ATRNL1: variants seen among roughly 807,000 people sequenced by gnomAD.
The protein encoded by ATRNL1 is attractin-like protein 1.
A neutral mutation model predicts 182.7 loss-of-function variants in ATRNL1; 95 were observed. That is an observed-to-expected ratio of 0.52 (90% CI 0.44 to 0.62). ATRNL1 has a LOEUF of 0.62. Among genes scored for constraint, ATRNL1 ranks in the 20% least tolerant of loss-of-function variants. The probability of loss-of-function intolerance (pLI) is 0.00; values close to 1 mark genes in which losing one functional copy is unlikely to be tolerated. For missense variants in ATRNL1, 1,471 were observed against 1,679.5 expected (o/e 0.88, Z 2.17); for synonymous variants, 576 against 568.3 (o/e 1.01, Z -0.19).
At chr10:115,130,316 A>T (rs953688444) in intron 5 of ATRNL1, among the ~76,000 whole-genome samples, 10 of 152,084 alleles carry the variant, frequency 6.6e-5, no homozygotes, top group African/African-American at 2.4e-4. Flanking sequence ...GAAGTACTTG[A>T]TTATGTATTA....
intron 26 of ATRNL1, among the ~76,000 whole-genome samples, chr10:115,584,029 T>C (rs1373009539): frequency 6.6e-6 from 1 of 152,168 alleles, no homozygotes; most frequent in Admixed American, 6.5e-5. Flanking sequence ...TTGTCTTTGG[T>C]TCTGTTTATA....
chr10:115,798,198 G>T (rs538685540), intron 27 of ATRNL1, among the ~76,000 whole-genome samples: 4 of 152,190 alleles, frequency 2.6e-5, no homozygotes, highest in East Asian at 1.9e-4. Context: ...ATTACAGGCA[G>T]GAGCCACCGC....
At chr10:115,830,460 G>A (rs897809382) in intron 27 of ATRNL1, among the ~76,000 whole-genome samples, 10 of 152,068 alleles carry the variant, frequency 6.6e-5, no homozygotes, top group African/African-American at 2.4e-4. Flanking sequence ...TTGAATGACT[G>A]TCTTGTTACC....
intron 27 of ATRNL1, among the ~76,000 whole-genome samples, chr10:115,816,987 ATTGCTGGATAAT>A (rs1555088797): frequency 6.6e-6 from 1 of 152,072 alleles, no homozygotes; most frequent in Non-Finnish European, 1.5e-5. Context: ...TTCCTACTGC[ATTGCTGGATAAT>A]TTGCAAGAAA....
chr10:115,648,783 C>G (rs982812507), intron 26 of ATRNL1, among the ~76,000 whole-genome samples: 22 of 152,098 alleles, frequency 1.4e-4, no homozygotes, highest in African/African-American at 4.8e-4. Flanking sequence ...CATTATGTGG[C>G]CCTGAAATTT....
intron 25 of ATRNL1, among the ~76,000 whole-genome samples, chr10:115,523,637 G>A (rs1204772405): frequency 6.6e-6 from 1 of 152,102 alleles, no homozygotes; most frequent in Non-Finnish European, 1.5e-5. Flanking sequence ...TCTTTGACAG[G>A]GCATAACAAA....
intron 5 of ATRNL1, among the ~76,000 whole-genome samples, chr10:115,157,862 C>A (rs979436599): frequency 2.6e-5 from 4 of 152,142 alleles, no homozygotes; most frequent in Admixed American, 6.6e-5. Context: ...TGCTTTAATG[C>A]AGATTTGATA....
In ATRNL1 at chr10:115,266,845, C is replaced by T. The variant is rs752358215; in HGVS notation, c.1821C>T (p.Ile607=). 1 of 1,611,388 alleles carries T rather than the reference C, an allele frequency of 6.2e-7. No homozygotes were observed. The highest frequency in any genetic ancestry group is 8.5e-7 in the Non-Finnish European group (1 of 1,178,298). ...TTTCTAGTGTACTCCTTAATGATAT[C>T]CTTGTATACAAGCCTCCAAATTGCA... ...GGFSSVLLND[I]LVYKPPNCKA... is the part of the protein sequence containing the mutation. Residue 607 remains isoleucine (I), a synonymous_variant, in exon 12 of 29, where the codon ATC becomes ATT. Coordinates refer to ENST00000355044, the MANE Select transcript of ATRNL1 (RefSeq NM_207303.4).
chr10:115,603,633 T>C (rs1200854549), intron 26 of ATRNL1, among the ~76,000 whole-genome samples: 1 of 152,186 alleles, frequency 6.6e-6, no homozygotes, highest in African/African-American at 2.4e-5. Context: ...TGTCATACAT[T>C]TAACTTATAC....
intron 5 of ATRNL1, among the ~76,000 whole-genome samples, chr10:115,135,691 G>T (rs982329065): frequency 6.6e-6 from 1 of 152,102 alleles, no homozygotes; most frequent in Admixed American, 6.5e-5. Flanking sequence ...CTACTTTAAA[G>T]TTCATATGGA....
intron 26 of ATRNL1, among the ~76,000 whole-genome samples, chr10:115,632,180 T>C (rs2133833471): frequency 6.6e-6 from 1 of 152,250 alleles, no homozygotes; most frequent in Non-Finnish European, 1.5e-5. Flanking sequence ...AGTTATTTAG[T>C]CTAGGAACTA....
At chr10:115,130,689 C>T (rs1845191363) in intron 5 of ATRNL1, among the ~76,000 whole-genome samples, 1 of 151,952 alleles carries the variant, frequency 6.6e-6, no homozygotes, top group Admixed American at 6.6e-5. Context: ...CTTTTCTTCC[C>T]CCCAAAAGTG....
intron 25 of ATRNL1, among the ~76,000 whole-genome samples, chr10:115,541,866 G>C (rs1284859947): frequency 6.6e-6 from 1 of 152,068 alleles, no homozygotes; most frequent in Non-Finnish European, 1.5e-5. Flanking sequence ...CAAGCTGGTG[G>C]TTTCAAGGGT....
chr10:115,944,676 C>T lies in ATRNL1; in HGVS notation c.4037C>T (p.Ala1346Val), dbSNP rs1228477997. 1.9e-6 allele frequency: 3 copies of T among 1,611,682 alleles called. No individual in the cohort carries two copies. The highest frequency in any genetic ancestry group is 1.3e-5 in the African/African-American group (1 of 74,814). The change falls in exon 29 of 29, where the codon GCC (alanine) becomes GTC (valine). Residue 1346 changes from alanine (A) to valine (V), a missense_variant. By Grantham distance (64) the Ala-to-Val change is moderately conservative. Coordinates refer to ENST00000355044, the MANE Select transcript of ATRNL1 (RefSeq NM_207303.4). ...PGQSGLAIAS[A>V]LIDISQQKAS... ...CTTCCAGGCCTTGCAATTGCCAGTG[C>T]CCTAATAGATATTTCACAACAGAAA...
chr10:115,515,518 T>A (rs1554983703), intron 24 of ATRNL1, among the ~76,000 whole-genome samples: 1 of 151,852 alleles, frequency 6.6e-6, no homozygotes, highest in African/African-American at 2.4e-5. Context: ...TATTGGAATA[T>A]GTTAATGTAC....
In ATRNL1 at chr10:115,916,112, C is replaced by A. The variant is rs533390627; in HGVS notation, c.4019-28546C>A. On this transcript the variant is annotated intron_variant, in intron 28 of 28. Coordinates refer to ENST00000355044, the MANE Select transcript of ATRNL1 (RefSeq NM_207303.4). The stretch of plus-strand genomic sequence containing the variant: ...ACATAGGTGAGTCAGCTCCTTCTCA[C>A]GAATTTGTCTAGAATGCTTTCCAGT... 2.6e-5 allele frequency among the ~76,000 whole-genome samples: 4 copies of A among 152,150 alleles called. No homozygotes were observed. The South Asian group carries it at 8.3e-4, about 32-fold the overall frequency.
chr10:115,748,620 A>G (rs1413294939), intron 27 of ATRNL1, among the ~76,000 whole-genome samples: 3 of 151,792 alleles, frequency 2.0e-5, no homozygotes, highest in African/African-American at 7.3e-5. Flanking sequence ...ATTTCTTTTT[A>G]AATACATTTC....
rs1844745260 is a variant in ATRNL1 at position 115,121,711 on chromosome 10, GTTAAGA to G, written c.399_404del (p.Leu133_Arg134del). 1 of 1,521,950 alleles carries G rather than the reference GTTAAGA, an allele frequency of 6.6e-7. No individual in the cohort carries two copies. Among genetic ancestry groups the G allele is most frequent in the Non-Finnish European group, 8.9e-7 (1 of 1,123,068 alleles). 94.3% of individuals were successfully genotyped at this position (1,521,950 alleles called of 1,614,324 possible). A position where few individuals can be genotyped will look rare whatever the true frequency, so the allele number is the denominator to read the frequency against. ...TATTCATTTTCAGTCCAAATGCAGT[GTTAAGA>G]TTAAGATTCAATCATTTTGCTACAG... On this transcript the variant is annotated inframe_deletion, in exon 3 of 29. Coordinates refer to ENST00000355044, the MANE Select transcript of ATRNL1 (RefSeq NM_207303.4).
At chr10:115,364,691 C>T (rs35379280) in intron 19 of ATRNL1, among the ~76,000 whole-genome samples, 53,065 of 150,430 alleles carry the variant, frequency 0.35, 10,226 homozygotes, top group African/African-American at 0.49. Context: ...TGAGATACAT[C>T]CCATCAATAC....
Sources: allele counts gnomAD v4.1 joint callset (sites outside exome capture counted in the v4.1 genomes callset), GRCh38; gene constraint gnomAD v4.1.1; transcripts MANE v1.5; gene names NCBI Gene and HGNC (gene_info 2026-07-23, HGNC 2026-07-21).